Variants in MAD2L1 observed in about 807,000 individuals in gnomAD.
The protein encoded by MAD2L1 is mitotic arrest deficient 2 like 1.
MAD2L1 carries 10 observed loss-of-function variants against 25.9 expected under a neutral mutation model. That is an observed-to-expected ratio of 0.39 (90% CI 0.24 to 0.66). MAD2L1 has a LOEUF of 0.66. MAD2L1 is among the 30% of genes least tolerant of loss of function. The pLI is 0.49. For missense variants in MAD2L1, 180 were observed against 246.4 expected, an observed-to-expected ratio of 0.73 and a Z score of 1.80; for synonymous variants, 81 against 91.8, an observed-to-expected ratio of 0.88 and a Z score of 0.67.
chr4:120,060,726 C>T, intron 4 of MAD2L1, 148 bp downstream of exon 4: 1 of 577,740 alleles, frequency 1.7e-6, no homozygotes, highest in Non-Finnish European at 3.1e-6. Flanking sequence ...GACTACGATA[C>T]ATTACTTTTG....
At position 120,055,664 on chromosome 4, in the gene MAD2L1, A is replaced by G. The variant is rs963018783; in HGVS notation, c.*4454T>C. On this transcript the variant is annotated 3_prime_UTR_variant, in exon 5 of 5. Coordinates refer to ENST00000296509, the MANE Select transcript of MAD2L1 (RefSeq NM_002358.4). ...TTTATCAGTCACATTGAACAAAATAACTAGAAATATTTCATACATTTAAAA... is the reference window on the plus strand; with the variant it reads ...TTTATCAGTCACATTGAACAAAATAGCTAGAAATATTTCATACATTTAAAA... 1 of 152,096 alleles carries G rather than the reference A, an allele frequency of 6.6e-6. No homozygotes were observed. The highest frequency in any genetic ancestry group is 1.9e-4 in the East Asian group (1 of 5,200). 9.4% of individuals were successfully genotyped at this position (152,096 alleles called of 1,614,324 possible).
Position 120,058,066 on chromosome 4 carries a change from CCAGGCTGGTCTCAAACTCCTGAT to C in MAD2L1, c.*2029_*2051del, listed in dbSNP as rs1726140018. The C allele has an allele frequency of 6.6e-6, 1 of 152,020 alleles. No homozygotes were observed. Among genetic ancestry groups the C allele is most frequent in the African/African-American group, 2.4e-5 (1 of 41,414 alleles). The allele number at this position is 152,020 out of a possible 1,614,324, so 9.4% of individuals were successfully genotyped here. On this transcript the variant is annotated 3_prime_UTR_variant, in exon 5 of 5. Transcript: ENST00000296509. ...TAGAGACGGGGTTTGACCATCTTGG[CCAGGCTGGTCTCAAACTCCTGAT>C]CTCGTGATCCACCTGCCTCGGCCTC...
rs946626128 is a variant in MAD2L1 at position 120,055,850 on chromosome 4, C to G, written c.*4268G>C. ...TACTCTGTAGACAATATAGATTAGG[C>G]ATAGGATAAAATCCTCTGTATTTGG... On this transcript the variant is annotated 3_prime_UTR_variant, in exon 5 of 5. Coordinates refer to ENST00000296509, the MANE Select transcript of MAD2L1 (RefSeq NM_002358.4). The G allele has an allele frequency of 2.0e-5, 3 of 152,162 alleles. No homozygotes were observed. The highest frequency in any genetic ancestry group is 4.4e-5 in the Non-Finnish European group (3 of 68,034). 9.4% of individuals were successfully genotyped at this position (152,162 alleles called of 1,614,324 possible).
In MAD2L1 at chr4:120,056,015, TA is replaced by T. The variant is rs1344724020; in HGVS notation, c.*4102del. 1 of 152,206 alleles carries T rather than the reference TA, an allele frequency of 6.6e-6. No individual in the cohort carries two copies. The highest frequency in any genetic ancestry group is 2.4e-5 in the African/African-American group (1 of 41,452). The allele number at this position is 152,206 out of a possible 1,614,324, so 9.4% of individuals were successfully genotyped here. A position where few individuals can be genotyped will look rare whatever the true frequency, so the allele number is the denominator to read the frequency against. ...CAGTTTGTTCTGAACACTTTATTGC[TA>T]AAAGGATGTAAAGGGTAAGAGGAAA... is the stretch of plus-strand genomic sequence containing the variant. On this transcript the variant is annotated 3_prime_UTR_variant, in exon 5 of 5. Coordinates refer to ENST00000296509, the MANE Select transcript of MAD2L1 (RefSeq NM_002358.4).
At chr4:120,065,920 T>C (rs1388009527) in intron 1 of MAD2L1, 102 bp from the exon 2 acceptor site, 3 of 1,150,094 alleles carry the variant, frequency 2.6e-6, no homozygotes, top group Non-Finnish European at 3.7e-6. Context: ...GCTATACAGC[T>C]ATAAATGACT....
rs940069220 is a variant in MAD2L1 at position 120,058,087 on chromosome 4, G to C, written c.*2031C>G. On this transcript the variant is annotated 3_prime_UTR_variant, in exon 5 of 5. Transcript: ENST00000296509. ...TTGGCCAGGCTGGTCTCAAACTCCT[G>C]ATCTCGTGATCCACCTGCCTCGGCC... is the stretch of plus-strand genomic sequence containing the variant. The C allele has an allele frequency of 1.3e-5, 2 of 152,120 alleles. No homozygotes were observed. The highest frequency in any genetic ancestry group is 2.4e-5 in the African/African-American group (1 of 41,436). The allele number at this position is 152,120 out of a possible 1,614,324, so 9.4% of individuals were successfully genotyped here.
At chr4:120,062,704 T>TA (rs1029901958) in intron 2 of MAD2L1, among the ~76,000 whole-genome samples, 4 of 152,118 alleles carry the variant, frequency 2.6e-5, no homozygotes, top group African/African-American at 9.7e-5. Context: ...TGGATCAAAT[T>TA]AAAAAAATAT....
intron 2 of MAD2L1, among the ~76,000 whole-genome samples, chr4:120,063,095 C>T (rs1726252913): frequency 6.6e-6 from 1 of 152,040 alleles, no homozygotes; most frequent in South Asian, 2.1e-4. Flanking sequence ...GGAGATGATC[C>T]TAAATTTAGT....
chr4:120,065,822 C>A lies in MAD2L1; in HGVS notation c.74-4G>T, dbSNP rs1560771808. The A allele has an allele frequency of 2.5e-6, 4 of 1,611,534 alleles. No homozygotes were observed. Among genetic ancestry groups the A allele is most frequent in the Non-Finnish European group, 3.4e-6 (4 of 1,179,102 alleles). On this transcript the variant is annotated splice_polypyrimidine_tract_variant and splice_region_variant and intron_variant, in intron 1 of 4. Transcript: ENST00000296509. The stretch of plus-strand genomic sequence containing the variant: ...AAAATGCTGTTGATGCCGAATGCTG[C>A]AAGCAAAAGAAATGTTACAGAAAAT...
In MAD2L1 at chr4:120,058,174, A is replaced by C. The variant is rs1726142247; in HGVS notation, c.*1944T>G. The C allele has an allele frequency of 6.6e-6, 1 of 152,054 alleles. No homozygotes were observed. The highest frequency in any genetic ancestry group is 2.4e-5 in the African/African-American group (1 of 41,408). 9.4% of individuals were successfully genotyped at this position (152,054 alleles called of 1,614,324 possible). A position where few individuals can be genotyped will look rare whatever the true frequency, so the allele number is the denominator to read the frequency against. On this transcript the variant is annotated 3_prime_UTR_variant, in exon 5 of 5. Coordinates refer to ENST00000296509, the MANE Select transcript of MAD2L1 (RefSeq NM_002358.4). ...GCCCAGCCCAAAATGTGTATTTCTTAATTGATTATATAATCTGTAAGGGGT... is the reference window on the plus strand; with the variant it reads ...GCCCAGCCCAAAATGTGTATTTCTTCATTGATTATATAATCTGTAAGGGGT...
rs1726140798 is a variant in MAD2L1 at position 120,058,095 on chromosome 4, G to C, written c.*2023C>G. On this transcript the variant is annotated 3_prime_UTR_variant, in exon 5 of 5. Coordinates refer to ENST00000296509, the MANE Select transcript of MAD2L1 (RefSeq NM_002358.4). Reference sequence around the variant, plus strand: ...GCTGGTCTCAAACTCCTGATCTCGTGATCCACCTGCCTCGGCCTCCCAAAG... The same window carrying C: ...GCTGGTCTCAAACTCCTGATCTCGTCATCCACCTGCCTCGGCCTCCCAAAG... 6.6e-6 allele frequency: 1 copy of C among 152,064 alleles called. No homozygotes were observed. The highest frequency in any genetic ancestry group is 1.5e-5 in the Non-Finnish European group (1 of 68,064). The allele number at this position is 152,064 out of a possible 1,614,324, so 9.4% of individuals were successfully genotyped here.
chr4:120,065,118 A>G (rs2904884), intron 2 of MAD2L1, among the ~76,000 whole-genome samples: 86,951 of 152,044 alleles, frequency 0.57, 25,437 homozygotes, highest in East Asian at 0.81. Context: ...GGCTTACTGA[A>G]TCACTGGCAG....
chr4:120,064,103 T>C (rs1190846973), intron 2 of MAD2L1, among the ~76,000 whole-genome samples: 1 of 152,188 alleles, frequency 6.6e-6, no homozygotes, highest in East Asian at 1.9e-4. Flanking sequence ...TGAAATGTCA[T>C]TAACGCAGTC....
chr4:120,062,974 T>C (rs1726250280), intron 2 of MAD2L1, among the ~76,000 whole-genome samples: 1 of 152,170 alleles, frequency 6.6e-6, no homozygotes, highest in Non-Finnish European at 1.5e-5. Flanking sequence ...TTAGTCACGA[T>C]AGTAAGGAAG....
In MAD2L1 at chr4:120,065,788, C is replaced by T. The variant is rs762457318; in HGVS notation, c.104G>A (p.Arg35His). The change falls in exon 2 of 5, where the codon CGT becomes CAT. Residue 35 changes from arginine to histidine, a missense_variant. Physicochemically the swap from Arg to His is conservative, Grantham distance 29 (BLOSUM62 0). Transcript: ENST00000296509. Reference sequence around the variant, plus strand: ...AAAGGTTTCAGATGGATATATGCCACGCTGATATAAAATGCTGTTGATGCC... The same window carrying T: ...AAAGGTTTCAGATGGATATATGCCATGCTGATATAAAATGCTGTTGATGCC... Reference protein sequence around the residue: ...SFGINSILYQRGIYPSETFTR... With the variant: ...SFGINSILYQHGIYPSETFTR... The T allele has an allele frequency of 1.2e-6, 2 of 1,613,664 alleles. No homozygotes were observed. The highest frequency in any genetic ancestry group is 1.7e-6 in the Non-Finnish European group (2 of 1,179,876).
chr4:120,057,955 T>C lies in MAD2L1; in HGVS notation c.*2163A>G, dbSNP rs1379416843. The C allele has an allele frequency of 6.6e-6, 1 of 152,202 alleles. No individual in the cohort carries two copies. The highest frequency in any genetic ancestry group is 2.4e-5 in the African/African-American group (1 of 41,440). The allele number at this position is 152,202 out of a possible 1,614,324, so 9.4% of individuals were successfully genotyped here. On this transcript the variant is annotated 3_prime_UTR_variant, in exon 5 of 5. Transcript: ENST00000296509. ...TTGGCTCACCGCAACCTCCACCTCA[T>C]GGGTTCAAGCGATTTCTCCTGCCTC...
Position 120,059,175 on chromosome 4 carries a change from G to C in MAD2L1, c.*943C>G, listed in dbSNP as rs1475776475. The C allele has an allele frequency of 6.6e-6, 1 of 152,140 alleles. No homozygotes were observed. The highest frequency in any genetic ancestry group is 2.4e-5 in the African/African-American group (1 of 41,428). The allele number at this position is 152,140 out of a possible 1,614,324, so 9.4% of individuals were successfully genotyped here. On this transcript the variant is annotated 3_prime_UTR_variant, in exon 5 of 5. Coordinates refer to ENST00000296509, the MANE Select transcript of MAD2L1 (RefSeq NM_002358.4). ...TACTAAAATCAACACTTGTTCAACT[G>C]GAATTGTTGGACTAATTCCAAAGGA...
chr4:120,061,515 G>A (rs1281316608), intron 3 of MAD2L1, among the ~76,000 whole-genome samples: 1 of 152,080 alleles, frequency 6.6e-6, no homozygotes, highest in East Asian at 1.9e-4. Context: ...AGCATGCCTA[G>A]GACAATGCAT....
In MAD2L1 at chr4:120,055,751, A is replaced by C. The variant is rs1726097845; in HGVS notation, c.*4367T>G. 1 of 152,204 alleles carries C rather than the reference A, an allele frequency of 6.6e-6. No individual in the cohort carries two copies. The highest frequency in any genetic ancestry group is 1.5e-5 in the Non-Finnish European group (1 of 68,026). The allele number at this position is 152,204 out of a possible 1,614,324, so 9.4% of individuals were successfully genotyped here. A position where few individuals can be genotyped will look rare whatever the true frequency, so the allele number is the denominator to read the frequency against. On this transcript the variant is annotated 3_prime_UTR_variant, in exon 5 of 5. Transcript: ENST00000296509. ...CAATTCACCAAAAACTGAGTAATTA[A>C]GGTTACTTAACAAACAATTCTTCTG...
Sources: gnomAD v4.1 joint callset for allele counts (sites outside exome capture counted in the v4.1 genomes callset) on GRCh38, gnomAD v4.1.1 for gene constraint, MANE v1.5 for transcripts, NCBI Gene and HGNC (gene_info 2026-07-23, HGNC 2026-07-21) for gene names.